Variants in NRG1 observed in about 807,000 individuals in gnomAD.
The protein encoded by NRG1 is pro-neuregulin-1, membrane-bound isoform.
A neutral mutation model predicts 63.8 loss-of-function variants in NRG1; 18 were observed. That is an observed-to-expected ratio of 0.28 (90% CI 0.19 to 0.42). NRG1 has a LOEUF of 0.42. Among genes scored for constraint, NRG1 ranks in the 10% least tolerant of loss-of-function variants. NRG1 has a pLI of 1.00. For missense variants in NRG1, 762 were observed against 814.7 expected, an observed-to-expected ratio of 0.94 and a Z score of 0.79; for synonymous variants, 302 against 301.3, an observed-to-expected ratio of 1.00 and a Z score of -0.02.
upstream of NRG1, chr8:32,548,154 C>T: frequency 1.1e-6 from 1 of 927,420 alleles, no homozygotes; most frequent in Non-Finnish European, 1.3e-6. Flanking sequence ...CCAGGCTCCT[C>T]CCGGTGGCGT....
intron 1 of NRG1, among the ~76,000 whole-genome samples, chr8:31,883,534 C>A (rs1194462169): frequency 2.6e-5 from 4 of 152,088 alleles, no homozygotes; most frequent in African/African-American, 9.7e-5. Context: ...AGAAGCTGAG[C>A]TGTTTCAAAA....
intron 1 of NRG1, among the ~76,000 whole-genome samples, chr8:32,560,904 A>G (rs897121741): frequency 2.0e-5 from 3 of 152,214 alleles, no homozygotes; most frequent in African/African-American, 7.2e-5. Flanking sequence ...AGTTTGTTAT[A>G]TGAATAAACG....
At chr8:31,855,500 G>A (rs1027805218) in intron 1 of NRG1, among the ~76,000 whole-genome samples, 3 of 152,082 alleles carry the variant, frequency 2.0e-5, no homozygotes, top group Non-Finnish European at 2.9e-5. Flanking sequence ...TTGAGCCTAT[G>A]TGTGTCTCTG....
chr8:31,852,383 GT>G (rs1165320422), intron 1 of NRG1, among the ~76,000 whole-genome samples: 63 of 151,992 alleles, frequency 4.1e-4, no homozygotes, highest in African/African-American at 1.3e-3. Context: ...TTTTTCATGT[GT>G]TTTTTGGCTG....
intron 6 of NRG1, among the ~76,000 whole-genome samples, chr8:32,731,981 T>C (rs1589472118): frequency 6.6e-6 from 1 of 152,210 alleles, no homozygotes; most frequent in South Asian, 2.1e-4. Context: ...TGTTGTCTTC[T>C]TGGGAGTTGA....
intron 1 of NRG1, among the ~76,000 whole-genome samples, chr8:31,744,161 T>G (rs535349734): frequency 1.3e-5 from 2 of 152,078 alleles, no homozygotes; most frequent in African/African-American, 4.8e-5. Context: ...ATTCTGAGCC[T>G]CTGCTCTGAG....
chr8:32,749,659 T>G (rs1828289343), intron 7 of NRG1: 1 of 1,423,524 alleles, frequency 7.0e-7, no homozygotes, highest in East Asian at 2.3e-5. Flanking sequence ...CCCTTCCTAC[T>G]CTTACCTTTC....
At position 32,497,128 on chromosome 8, in the gene NRG1, C is replaced by T. The variant is rs554825069; in HGVS notation, c.38-98700C>T. Among the ~76,000 whole-genome samples the T allele has an allele frequency of 2.0e-5, 3 of 152,136 alleles. No individual in the cohort carries two copies. In the South Asian group the frequency reaches 6.2e-4, roughly 32 times the overall value. On this transcript the variant is annotated intron_variant, in intron 1 of 10. Transcript: ENST00000519301. ...GGGGTTAAATGAGATAAAATTGAGT[C>T]TTATTGTATAGAATTTATCAGAAAT...
chr8:32,430,757 T>G (rs1818028823), intron 1 of NRG1, among the ~76,000 whole-genome samples: 1 of 151,952 alleles, frequency 6.6e-6, no homozygotes, highest in South Asian at 2.1e-4. Context: ...ATGGTCTGAT[T>G]ATACCTCATG....
chr8:31,707,768 A>C (rs1811294350), intron 1 of NRG1, among the ~76,000 whole-genome samples: 1 of 151,830 alleles, frequency 6.6e-6, no homozygotes, highest in Non-Finnish European at 1.5e-5. Context: ...TTGATTTTGA[A>C]TTCTATTTTA....
intron 1 of NRG1, among the ~76,000 whole-genome samples, chr8:31,964,850 G>C (rs991697485): frequency 6.6e-6 from 1 of 152,162 alleles, no homozygotes; most frequent in African/African-American, 2.4e-5. Flanking sequence ...ACACCCAGCT[G>C]ATAAGTAAGA....
chr8:32,256,052 G>A (rs1187286077), intron 1 of NRG1, among the ~76,000 whole-genome samples: 2 of 152,114 alleles, frequency 1.3e-5, no homozygotes, highest in Non-Finnish European at 2.9e-5. Flanking sequence ...GTGTTTTTCA[G>A]CTCCATCAGG....
At chr8:32,491,824 G>A (rs1826607666) in intron 1 of NRG1, among the ~76,000 whole-genome samples, 1 of 152,160 alleles carries the variant, frequency 6.6e-6, no homozygotes, top group African/African-American at 2.4e-5. Flanking sequence ...AGGTTTGTGA[G>A]GCCAAAGGGA....
At chr8:31,662,319 C>T (rs1585486203) in intron 1 of NRG1, among the ~76,000 whole-genome samples, 3 of 152,226 alleles carry the variant, frequency 2.0e-5, no homozygotes, top group South Asian at 2.1e-4. Flanking sequence ...TATTAAGCAG[C>T]TAACTGAAAA....
At chr8:31,926,116 T>C (rs891446850) in intron 1 of NRG1, among the ~76,000 whole-genome samples, 3 of 152,204 alleles carry the variant, frequency 2.0e-5, no homozygotes, top group East Asian at 1.9e-4. Context: ...ATAGACCAGC[T>C]TGATGCAGTT....
chr8:31,996,785 A>C lies in NRG1; in HGVS notation c.37+357354A>C, dbSNP rs571426083. 7.9e-5 allele frequency among the ~76,000 whole-genome samples: 12 copies of C among 152,020 alleles called. No homozygotes were observed. The East Asian group carries it at 1.4e-3, about 17-fold the overall frequency. ...CTAAAAGCCTAAATGAAAAATATAT[A>C]TCTTTCAGCTTAAAGGGTTGGTTGG... is the stretch of plus-strand genomic sequence containing the variant. On this transcript the variant is annotated intron_variant, in intron 1 of 10. Coordinates refer to the NRG1 transcript ENST00000519301.
intron 1 of NRG1, among the ~76,000 whole-genome samples, chr8:32,167,745 C>T (rs1839548729): frequency 6.6e-6 from 1 of 152,178 alleles, no homozygotes; most frequent in African/African-American, 2.4e-5. Flanking sequence ...AAAATATAAA[C>T]CCCATTCTGG....
chr8:31,936,636 G>A (rs1292971757), intron 1 of NRG1, among the ~76,000 whole-genome samples: 2 of 152,132 alleles, frequency 1.3e-5, no homozygotes, highest in African/African-American at 2.4e-5. Flanking sequence ...TTTAATGCCC[G>A]AAAGAATAGC....
chr8:32,586,916 G>A (rs895781392), intron 1 of NRG1, among the ~76,000 whole-genome samples: 3 of 152,106 alleles, frequency 2.0e-5, no homozygotes, highest in Non-Finnish European at 4.4e-5. Flanking sequence ...TTTGACTTGA[G>A]GGCATAGGAG....
Sources: gnomAD v4.1 joint callset for allele counts (sites outside exome capture counted in the v4.1 genomes callset) on GRCh38, gnomAD v4.1.1 for gene constraint, MANE v1.5 for transcripts, NCBI Gene and HGNC (gene_info 2026-07-23, HGNC 2026-07-21) for gene names.